Variants in KLHL4 observed in about 807,000 individuals in gnomAD.
KLHL4 encodes the protein kelch-like protein 4.
KLHL4 carries 17 observed loss-of-function variants against 45.8 expected under a neutral mutation model. The observed-to-expected ratio is 0.37, with a 90% CI of 0.25 to 0.56. The LOEUF (loss-of-function observed/expected upper bound fraction) is 0.56, where lower values mean the gene tolerates loss of function less well. Among genes scored for constraint, KLHL4 ranks in the 20% least tolerant of loss-of-function variants. KLHL4 has a pLI of 0.79. For synonymous variants in KLHL4, 224 were observed against 189.9 expected, an observed-to-expected ratio of 1.18 and a Z score of -1.47; for missense variants, 544 against 544.9, an observed-to-expected ratio of 1.00 and a Z score of 0.02.
At chrX:87,591,363 A>T (rs1176175964) in intron 1 of KLHL4, among the ~76,000 whole-genome samples, 1 of 112,258 alleles carries the variant, frequency 8.9e-6, no homozygotes, top group Non-Finnish European at 1.9e-5. Flanking sequence ...TATAAATTTA[A>T]GGAGTACAAG....
intron 9 of KLHL4, among the ~76,000 whole-genome samples, chrX:87,658,649 C>T (rs1359325188): frequency 9.0e-6 from 1 of 111,574 alleles, no homozygotes; most frequent in Non-Finnish European, 1.9e-5. Context: ...AGGCTGCTGC[C>T]ACCAAATTCA....
intron 1 of KLHL4, among the ~76,000 whole-genome samples, chrX:87,608,360 G>A (rs192282736): frequency 0.01 from 1,131 of 111,524 alleles, 10 homozygotes; most frequent in African/African-American, 0.035. Flanking sequence ...ATGACCTGGT[G>A]TATCACCAGC....
intron 9 of KLHL4, among the ~76,000 whole-genome samples, chrX:87,664,058 T>C (rs1377726113): frequency 8.9e-6 from 1 of 112,144 alleles, no homozygotes; most frequent in African/African-American, 3.2e-5. Flanking sequence ...TAGTGTTATA[T>C]ATTTTTAAAA....
chrX:87,665,353 T>A (rs1219598458), intron 10 of KLHL4, among the ~76,000 whole-genome samples: 1 of 111,841 alleles, frequency 8.9e-6, no homozygotes, highest in Non-Finnish European at 1.9e-5. Flanking sequence ...TCTGCCCTTT[T>A]TATTGGCTGG....
chrX:87,617,746 A>T (rs1922604985), intron 3 of KLHL4, among the ~76,000 whole-genome samples, 186 bp from the exon 4 acceptor site: 1 of 111,487 alleles, frequency 9.0e-6, no homozygotes, highest in South Asian at 3.7e-4. Context: ...AATCTGGTTC[A>T]TTTCAGCCAT....
At chrX:87,626,177 G>A (rs1018613782) in intron 6 of KLHL4, among the ~76,000 whole-genome samples, 1 of 111,336 alleles carries the variant, frequency 9.0e-6, no homozygotes, top group Non-Finnish European at 1.9e-5. Context: ...TAACCCCAGG[G>A]GGTCAGGGTA....
rs1306636827 is a variant in KLHL4, at chrX:87,527,802, C to A, written c.422+9487C>A. On this transcript the variant is annotated intron_variant, in intron 1 of 10. Coordinates refer to ENST00000373119, the MANE Select transcript of KLHL4 (RefSeq NM_019117.5). ...AGAAAGACTCTCTCTGGGAAAGCTACTCACAAAATTGGAAAAAAAAAAAAA... is the reference window on the plus strand; with the variant it reads ...AGAAAGACTCTCTCTGGGAAAGCTAATCACAAAATTGGAAAAAAAAAAAAA... Among the ~76,000 whole-genome samples the A allele has an allele frequency of 8.4e-5, 8 of 95,364 alleles. No homozygotes were observed. The Admixed American group carries it at 1.1e-3, about 13-fold the overall frequency. The allele number at this position is 95,364 out of a possible 115,157, so 82.8% of individuals were successfully genotyped here.
chrX:87,615,289 TA>T (rs1456194734), intron 3 of KLHL4, among the ~76,000 whole-genome samples: 2 of 111,306 alleles, frequency 1.8e-5, no homozygotes, highest in African/African-American at 6.5e-5. Flanking sequence ...GTAAAGTATA[TA>T]ATCCCCAAAA....
Position 87,618,041 on chromosome X carries a change from C to G in KLHL4, c.837C>G (p.Leu279=), listed in dbSNP as rs1199694524. ...DVCSNFLIKQ[L]HPSNCLGIRS... is the part of the protein sequence containing the mutation. ...GCTCCAATTTTCTCATAAAGCAGCT[C>G]CATCCTTCAAACTGCTTAGGGATTC... The change falls in exon 4 of 11, where the codon CTC becomes CTG. Residue 279 remains leucine, a synonymous_variant. Coordinates refer to ENST00000373119, the MANE Select transcript of KLHL4 (RefSeq NM_019117.5). The G allele has an allele frequency of 8.3e-7, 1 of 1,208,968 alleles. No homozygotes were observed. Among genetic ancestry groups the G allele is most frequent in the African/African-American group, 1.7e-5 (1 of 57,144 alleles).
At chrX:87,544,090 C>A (rs1931622959) in intron 1 of KLHL4, among the ~76,000 whole-genome samples, 1 of 111,002 alleles carries the variant, frequency 9.0e-6, no homozygotes, top group South Asian at 3.9e-4. Flanking sequence ...GGGGAGCCCA[C>A]TGCCCTGAAG....
intron 9 of KLHL4, among the ~76,000 whole-genome samples, chrX:87,657,060 T>C (rs1255983932): frequency 2.7e-5 from 3 of 112,213 alleles, no homozygotes; most frequent in African/African-American, 6.5e-5. Flanking sequence ...ACTGCCTCCA[T>C]TGGAGCTGGG....
At chrX:87,564,742 T>A (rs1244804005) in intron 1 of KLHL4, among the ~76,000 whole-genome samples, 5 of 111,405 alleles carry the variant, frequency 4.5e-5, no homozygotes, top group Non-Finnish European at 7.5e-5. Context: ...AATATCAGCT[T>A]TCAATAATAG....
At chrX:87,520,399 C>T (rs780431145) in intron 1 of KLHL4, among the ~76,000 whole-genome samples, 1 of 112,360 alleles carries the variant, frequency 8.9e-6, no homozygotes, top group Admixed American at 9.4e-5. Flanking sequence ...ACAAGATGAG[C>T]TATGACGCTC....
intron 1 of KLHL4, among the ~76,000 whole-genome samples, chrX:87,534,987 C>A (rs1439150441): frequency 9.0e-6 from 1 of 111,663 alleles, no homozygotes; most frequent in Non-Finnish European, 1.9e-5. Context: ...ACTTCTTGCA[C>A]CTGATCAAGA....
chrX:87,518,061 T>TTCAGAAA lies in KLHL4; in HGVS notation c.168_169insTCAGAAA (p.Arg57SerfsTer41). The TTCAGAAA allele has an allele frequency of 2.5e-6, 3 of 1,211,712 alleles. No homozygotes were observed. Among genetic ancestry groups the TTCAGAAA allele is most frequent in the Non-Finnish European group, 3.3e-6 (3 of 895,524 alleles). The stretch of plus-strand genomic sequence containing the variant: ...TTCAGGGCAGGTTGAAGAGCCACTC[T>TTCAGAAA]CGGGACAGAAACGGACTGAAGAAAA... On this transcript the variant is annotated frameshift_variant, in exon 1 of 11. Coordinates refer to ENST00000373119, the MANE Select transcript of KLHL4 (RefSeq NM_019117.5). LOFTEE classifies it high-confidence loss of function.
intron 9 of KLHL4, among the ~76,000 whole-genome samples, chrX:87,647,107 A>G (rs1490426976): frequency 8.9e-6 from 1 of 112,080 alleles, no homozygotes; most frequent in Non-Finnish European, 1.9e-5. Context: ...AAGAAGATAT[A>G]CATATGGCCA....
chrX:87,543,399 A>C (rs1931605960), intron 1 of KLHL4, among the ~76,000 whole-genome samples: 1 of 111,354 alleles, frequency 9.0e-6, no homozygotes, highest in South Asian at 3.8e-4. Flanking sequence ...AGAACCAAAA[A>C]TCAGGGAAGC....
chrX:87,534,139 G>A (rs1348770965), intron 1 of KLHL4, among the ~76,000 whole-genome samples: 4 of 111,178 alleles, frequency 3.6e-5, no homozygotes, highest in Non-Finnish European at 5.7e-5. Context: ...AGAATAATGG[G>A]GGCAGTTCAT....
chrX:87,547,280 C>T (rs6617408), intron 1 of KLHL4, among the ~76,000 whole-genome samples: 27,548 of 109,581 alleles, frequency 0.25, 2,979 homozygotes, highest in East Asian at 0.51. Context: ...TGAGTTCCCA[C>T]GAGATCTGAT....
Sources: gnomAD v4.1 joint callset for allele counts (sites outside exome capture counted in the v4.1 genomes callset) on GRCh38, gnomAD v4.1.1 for gene constraint, MANE v1.5 for transcripts, NCBI Gene and HGNC (gene_info 2026-07-23, HGNC 2026-07-21) for gene names.